The following BACE2 variants were observed in gnomAD, a reference collection of about 807,000 sequenced individuals.
The protein encoded by BACE2 is beta-secretase 2.
In BACE2, 17 loss-of-function variants were observed where a neutral mutation model predicts 46.2. The ratio of observed to expected loss-of-function variants is 0.37; its 90% CI spans 0.25 to 0.55. BACE2 has a LOEUF of 0.55. Among genes scored for constraint, BACE2 ranks in the 20% least tolerant of loss-of-function variants. The pLI, the probability that BACE2 is intolerant of heterozygous loss-of-function variation, is 0.82. For synonymous variants in BACE2, 277 were observed against 295.9 expected, an observed-to-expected ratio of 0.94 and a Z score of 0.66; for missense variants, 595 against 698.1, an observed-to-expected ratio of 0.85 and a Z score of 1.66.
At chr21:41,251,045 C>T in intron 7 of BACE2, 144 bp downstream of exon 7, 12 of 890,590 alleles carry the variant, frequency 1.3e-5, no homozygotes, top group Non-Finnish European at 2.0e-5. Context: ...CATATTACTG[C>T]TCCTGAGTCC....
rs1189377280 is a variant in BACE2 at position 41,251,809 on chromosome 21, A to C, written c.1134+908A>C. On this transcript the variant is annotated intron_variant, in intron 7 of 8. Coordinates refer to ENST00000330333, the MANE Select transcript of BACE2 (RefSeq NM_012105.5). Reference sequence around the variant, plus strand: ...AGTGAGACTCTGTCTCAGAAAAAAAACAAAAAACAAAAAAGAAAAGAAAAA... The same window carrying C: ...AGTGAGACTCTGTCTCAGAAAAAAACCAAAAAACAAAAAAGAAAAGAAAAA... 5.3e-5 allele frequency among the ~76,000 whole-genome samples: 8 copies of C among 152,270 alleles called. No individual in the cohort carries two copies. In the East Asian group the frequency reaches 1.5e-3, roughly 29 times the overall value.
At chr21:41,182,981 A>T (rs1025308913) in intron 1 of BACE2, 2 of 166,418 alleles carry the variant, frequency 1.2e-5, no homozygotes, top group Non-Finnish European at 2.9e-5. Flanking sequence ...TAGACAAAAA[A>T]TTTTTTCTCA....
At chr21:41,186,799 C>G (rs1161648570) in intron 1 of BACE2, 1 of 152,262 alleles carries the variant, frequency 6.6e-6, no homozygotes, top group Admixed American at 6.5e-5. Context: ...AGCTCAGAGG[C>G]AGTTCTGCAG....
At chr21:41,224,209 A>ATTTTTTT (rs10658440) in intron 1 of BACE2, among the ~76,000 whole-genome samples, 1,229 of 98,878 alleles carry the variant, frequency 0.012, 85 homozygotes, top group African/African-American at 0.026. Context: ...GCCTATTTTG[A>ATTTTTTT]TTTTTTTTTT....
chr21:41,192,110 A>G (rs1985592040), intron 1 of BACE2, among the ~76,000 whole-genome samples: 1 of 152,170 alleles, frequency 6.6e-6, no homozygotes, highest in Non-Finnish European at 1.5e-5. Context: ...ATTTCCCTTC[A>G]CTGCTGTCCT....
At chr21:41,192,426 C>T (rs889861210) in intron 1 of BACE2, among the ~76,000 whole-genome samples, 1 of 152,198 alleles carries the variant, frequency 6.6e-6, no homozygotes, top group Non-Finnish European at 1.5e-5. Context: ...GCATGACCCA[C>T]TTTATGGCTA....
intron 3 of BACE2, among the ~76,000 whole-genome samples, chr21:41,239,880 A>C (rs1174859133): frequency 6.6e-6 from 1 of 152,246 alleles, no homozygotes; most frequent in African/African-American, 2.4e-5. Context: ...TGTGACTGGA[A>C]ATGAAAGATG....
chr21:41,231,325 G>A (rs1041738307), intron 2 of BACE2, among the ~76,000 whole-genome samples: 1 of 152,168 alleles, frequency 6.6e-6, no homozygotes, highest in Non-Finnish European at 1.5e-5. Context: ...GTGACTTCGA[G>A]AATCACAGAA....
At chr21:41,189,624 C>A (rs1450234098) in intron 1 of BACE2, among the ~76,000 whole-genome samples, 1 of 152,198 alleles carries the variant, frequency 6.6e-6, no homozygotes, top group African/African-American at 2.4e-5. Context: ...AGGCTTTCCT[C>A]ACTATCTCAT....
chr21:41,172,800 C>G (rs1446934427), intron 1 of BACE2, among the ~76,000 whole-genome samples: 2 of 152,182 alleles, frequency 1.3e-5, no homozygotes, highest in African/African-American at 2.4e-5. Context: ...CATTAATGTC[C>G]TGGTCTCAAA....
At position 41,279,918 on chromosome 21, in the gene BACE2, T is replaced by G. The variant is rs563617803; in HGVS notation, c.*4294T>G. ...CCAGAAGAGAGGTCCCACCCCTCAGTTGGCAGTGGGGCACGGAGGTCCGCA... is the reference window on the plus strand; with the variant it reads ...CCAGAAGAGAGGTCCCACCCCTCAGGTGGCAGTGGGGCACGGAGGTCCGCA... On this transcript the variant is annotated 3_prime_UTR_variant, in exon 9 of 9. Transcript: ENST00000330333. 1 of 152,264 alleles carries G rather than the reference T, an allele frequency of 6.6e-6. No individual in the cohort carries two copies. Among genetic ancestry groups the G allele is most frequent in the Non-Finnish European group, 1.5e-5 (1 of 68,160 alleles). The allele number at this position is 152,264 out of a possible 1,614,324, so 9.4% of individuals were successfully genotyped here. A position where few individuals can be genotyped will look rare whatever the true frequency, so the allele number is the denominator to read the frequency against.
At chr21:41,272,226 T>C (rs2088441267) in intron 8 of BACE2, among the ~76,000 whole-genome samples, 1 of 152,122 alleles carries the variant, frequency 6.6e-6, no homozygotes, top group African/African-American at 2.4e-5. Flanking sequence ...TTCTTTTTTC[T>C]CTCTCCTTGC....
intron 8 of BACE2, among the ~76,000 whole-genome samples, chr21:41,265,689 G>A (rs1194785692): frequency 1.3e-5 from 2 of 151,898 alleles, no homozygotes; most frequent in Non-Finnish European, 2.9e-5. Flanking sequence ...TTTATGTAAT[G>A]GAGTAATTAA....
chr21:41,218,639 A>C (rs1456549507), intron 1 of BACE2, among the ~76,000 whole-genome samples: 3 of 152,240 alleles, frequency 2.0e-5, no homozygotes. Flanking sequence ...GGTGGGACTC[A>C]GATTCCTGGT....
At chr21:41,220,241 C>A (rs1041670079) in intron 1 of BACE2, among the ~76,000 whole-genome samples, 2 of 152,192 alleles carry the variant, frequency 1.3e-5, no homozygotes, top group African/African-American at 4.8e-5. Flanking sequence ...CCTCCGGGAA[C>A]CTCAGCTGTC....
intron 1 of BACE2, chr21:41,179,331 A>T: frequency 7.8e-7 from 1 of 1,287,802 alleles, no homozygotes; most frequent in Non-Finnish European, 1.0e-6. Flanking sequence ...GTCCAGGGTG[A>T]GGAGTGAGGG....
rs148633238 is a variant in BACE2, at chr21:41,242,954, G to A, written c.748-422G>A. Among the ~76,000 whole-genome samples the A allele has an allele frequency of 2.3e-3, 353 of 151,482 alleles. 4 individuals are homozygous for A. The highest frequency in any genetic ancestry group is 7.7e-3 in the African/African-American group (319 of 41,246). ...TTTTTAGATGGAGTCTCGCTCTGTC[G>A]CCCAGGCTGGAGTGCAGTGACGCGA... On this transcript the variant is annotated intron_variant, in intron 4 of 8. Transcript: ENST00000330333.
intron 1 of BACE2, among the ~76,000 whole-genome samples, chr21:41,223,651 C>G (rs1225115448): frequency 1.3e-5 from 2 of 152,186 alleles, no homozygotes; most frequent in African/African-American, 4.8e-5. Context: ...CTCACCTTCA[C>G]TTGATTATCT....
chr21:41,238,726 T>A (rs1987200828), intron 3 of BACE2, among the ~76,000 whole-genome samples: 1 of 144,582 alleles, frequency 6.9e-6, no homozygotes, highest in Non-Finnish European at 1.5e-5. Flanking sequence ...CACCGCATAT[T>A]CTCACTCATA....
Sources: gnomAD v4.1 joint callset for allele counts (sites outside exome capture counted in the v4.1 genomes callset) on GRCh38, gnomAD v4.1.1 for gene constraint, MANE v1.5 for transcripts, NCBI Gene and HGNC (gene_info 2026-07-23, HGNC 2026-07-21) for gene names.